The following WFDC2 variants were observed in gnomAD, a reference collection of about 807,000 sequenced individuals.
The protein encoded by WFDC2 is WAP four-disulfide core domain protein 2.
WFDC2 carries 8 observed loss-of-function variants against 12.5 expected under a neutral mutation model. The observed-to-expected ratio is 0.64, with a 90% CI of 0.37 to 1.15. The LOEUF (loss-of-function observed/expected upper bound fraction) is 1.15, where lower values mean the gene tolerates loss of function less well. WFDC2 is among the 50% of genes most tolerant of loss of function. The probability of loss-of-function intolerance (pLI) is 0.01; values close to 1 mark genes in which losing one functional copy is unlikely to be tolerated. For missense variants in WFDC2, 166 were observed against 159.9 expected, an observed-to-expected ratio of 1.04 and a Z score of -0.21; for synonymous variants, 74 against 67.2, an observed-to-expected ratio of 1.10 and a Z score of -0.49.
rs754939378 is a variant in WFDC2 at position 45,470,342 on chromosome 20, G to A, written c.80-47G>A. On this transcript the variant is annotated intron_variant, in intron 1 of 3. Transcript: ENST00000372676. This position sits in a 1 kb window ranked among gnomAD's most constrained non-coding sequence, Gnocchi z 5.4. ...GAGCAGGAGGTGGGCATCCTCTGGGGCTGGCGCTACGCCCCACCCTCGACT... is the reference window on the plus strand; with the variant it reads ...GAGCAGGAGGTGGGCATCCTCTGGGACTGGCGCTACGCCCCACCCTCGACT... The A allele has an allele frequency of 2.6e-6, 4 of 1,537,548 alleles. 1 individual carries two copies. Among genetic ancestry groups the A allele is most frequent in the South Asian group, 2.4e-5 (2 of 82,644 alleles).
chr20:45,477,595 A>G (rs899584159), intron 2 of WFDC2, among the ~76,000 whole-genome samples: 13 of 152,212 alleles, frequency 8.5e-5, no homozygotes, highest in Admixed American at 8.5e-4. Context: ...GCTCTCCTGT[A>G]TGAGGTGTCT....
Position 45,470,290 on chromosome 20 carries a change from C to A in WFDC2, c.80-99C>A. Reference sequence around the variant, plus strand: ...GTAAGGGGACTCCTAGGGCCAGAGACTGAGAATTCCTTGGGGTTAAGGTTT... The same window carrying A: ...GTAAGGGGACTCCTAGGGCCAGAGAATGAGAATTCCTTGGGGTTAAGGTTT... On this transcript the variant is annotated intron_variant, in intron 1 of 3. Transcript: ENST00000372676. This position sits in a 1 kb window ranked among gnomAD's most constrained non-coding sequence, Gnocchi z 5.4. The A allele has an allele frequency of 6.9e-7, 1 of 1,457,096 alleles. No homozygotes were observed. Among genetic ancestry groups the A allele is most frequent in the Non-Finnish European group, 9.1e-7 (1 of 1,097,972 alleles). The allele number at this position is 1,457,096 out of a possible 1,614,324, so 90.3% of individuals were successfully genotyped here. A position where few individuals can be genotyped will look rare whatever the true frequency, so the allele number is the denominator to read the frequency against.
At chr20:45,472,770 C>G (rs974577428) in intron 2 of WFDC2, among the ~76,000 whole-genome samples, 1 of 152,230 alleles carries the variant, frequency 6.6e-6, no homozygotes, top group African/African-American at 2.4e-5. Flanking sequence ...TGGCCACACT[C>G]TCTTCCACAA....
intron 2 of WFDC2, among the ~76,000 whole-genome samples, chr20:45,471,596 C>T (rs1288655368): frequency 6.6e-6 from 1 of 152,224 alleles, no homozygotes; most frequent in African/African-American, 2.4e-5. Flanking sequence ...GCTTCAAGGT[C>T]ATGAGTCCCC....
chr20:45,480,646 C>T (rs1991291255), intron 3 of WFDC2, among the ~76,000 whole-genome samples: 2 of 151,974 alleles, frequency 1.3e-5, no homozygotes, highest in Non-Finnish European at 2.9e-5. Context: ...CAAAAAACAG[C>T]TTGGTGGTAC....
rs767862116 is a variant in WFDC2, at chr20:45,469,798, T to C, written c.17T>C (p.Leu6Pro). 1.2e-6 allele frequency: 2 copies of C among 1,609,370 alleles called. No individual in the cohort carries two copies. The highest frequency in any genetic ancestry group is 2.7e-5 in the African/African-American group (2 of 74,802). The stretch of plus-strand genomic sequence containing the variant: ...CATAGCACCATGCCTGCTTGTCGCC[T>C]AGGCCCGCTAGCCGCCGCCCTCCTC... Reference protein sequence around the residue: MPACRLGPLAAALLLS... With the variant: MPACRPGPLAAALLLS... Residue 6 changes from leucine to proline, a missense_variant, in exon 1 of 4, where the codon CTA (leucine) becomes CCA (proline). Transcript: ENST00000372676.
In WFDC2 at chr20:45,470,307, T is replaced by G; in HGVS notation, c.80-82T>G. ...GCCAGAGACTGAGAATTCCTTGGGG[T>G]TAAGGTTTGGAGCAGGAGGTGGGCA... On this transcript the variant is annotated intron_variant, in intron 1 of 3. Coordinates refer to ENST00000372676, the MANE Select transcript of WFDC2 (RefSeq NM_006103.4). The surrounding 1 kb of genome is among the most constrained non-coding windows in gnomAD (Gnocchi z 5.4). 6.7e-7 allele frequency: 1 copy of G among 1,484,980 alleles called. No homozygotes were observed. The allele number at this position is 1,484,980 out of a possible 1,614,324, so 92.0% of individuals were successfully genotyped here. A position where few individuals can be genotyped will look rare whatever the true frequency, so the allele number is the denominator to read the frequency against.
chr20:45,480,122 T>C (rs755791797), intron 3 of WFDC2, 28 bp downstream of exon 3: 8 of 1,610,678 alleles, frequency 5.0e-6, no homozygotes, highest in African/African-American at 2.7e-5. Context: ...AGAAAGTGCA[T>C]TGATGGCCAG....
In WFDC2 at chr20:45,470,323, G is replaced by A. The variant is rs2145500380; in HGVS notation, c.80-66G>A. 1 of 1,516,254 alleles carries A rather than the reference G, an allele frequency of 6.6e-7. No individual in the cohort carries two copies. Among genetic ancestry groups the A allele is most frequent in the Non-Finnish European group, 8.9e-7 (1 of 1,127,860 alleles). 93.9% of individuals were successfully genotyped at this position (1,516,254 alleles called of 1,614,324 possible). A position where few individuals can be genotyped will look rare whatever the true frequency, so the allele number is the denominator to read the frequency against. On this transcript the variant is annotated intron_variant, in intron 1 of 3. Transcript: ENST00000372676. This position sits in a 1 kb window ranked among gnomAD's most constrained non-coding sequence, Gnocchi z 5.4. The stretch of plus-strand genomic sequence containing the variant: ...TCCTTGGGGTTAAGGTTTGGAGCAG[G>A]AGGTGGGCATCCTCTGGGGCTGGCG...
chr20:45,479,960 C>T lies in WFDC2; in HGVS notation c.242C>T (p.Pro81Leu). 2 of 1,614,244 alleles carry T rather than the reference C, an allele frequency of 1.2e-6. No individual in the cohort carries two copies. The highest frequency in any genetic ancestry group is 1.3e-5 in the African/African-American group (1 of 75,060). ...TACCCAGATAAGGAGGGTTCCTGCCCCCAGGTGAACATTAACTTTCCCCAG... is the reference window on the plus strand; with the variant it reads ...TACCCAGATAAGGAGGGTTCCTGCCTCCAGGTGAACATTAACTTTCCCCAG... ...SLPNDKEGSCPQVNINFPQLG... is the reference protein window; with the variant it reads ...SLPNDKEGSCLQVNINFPQLG... Residue 81 changes from proline to leucine, a missense_variant, in exon 3 of 4, where the codon CCC (proline) becomes CTC (leucine). Pro to Leu is a moderately conservative substitution (Grantham distance 98). Transcript: ENST00000372676.
At position 45,472,282 on chromosome 20, in the gene WFDC2, C is replaced by T. The variant is rs140281793; in HGVS notation, c.223+1750C>T. Among the ~76,000 whole-genome samples the T allele has an allele frequency of 6.6e-5, 10 of 152,296 alleles. No homozygotes were observed. The East Asian group carries it at 1.2e-3, about 18-fold the overall frequency. On this transcript the variant is annotated intron_variant, in intron 2 of 3. Coordinates refer to ENST00000372676, the MANE Select transcript of WFDC2 (RefSeq NM_006103.4). ...ATGCCTCCCCTAATTCCCAACCCCC[C>T]GACAGGCCCTGGTGTGTGATGTTCC...
chr20:45,474,013 TTTTGTACA>T (rs1991203643), intron 2 of WFDC2, among the ~76,000 whole-genome samples: 1 of 152,170 alleles, frequency 6.6e-6, no homozygotes, highest in Non-Finnish European at 1.5e-5. Flanking sequence ...TACTTGTGAT[TTTTGTACA>T]TTGATTTGTA....
In WFDC2 at chr20:45,470,337, C is replaced by G; in HGVS notation, c.80-52C>G. On this transcript the variant is annotated intron_variant, in intron 1 of 3. Coordinates refer to ENST00000372676, the MANE Select transcript of WFDC2 (RefSeq NM_006103.4). The surrounding 1 kb of genome is among the most constrained non-coding windows in gnomAD (Gnocchi z 5.4). ...GTTTGGAGCAGGAGGTGGGCATCCT[C>G]TGGGGCTGGCGCTACGCCCCACCCT... 4 of 1,533,300 alleles carry G rather than the reference C, an allele frequency of 2.6e-6. No homozygotes were observed. Among genetic ancestry groups the G allele is most frequent in the Non-Finnish European group, 3.5e-6 (4 of 1,136,096 alleles). 95.0% of individuals were successfully genotyped at this position (1,533,300 alleles called of 1,614,324 possible).
chr20:45,473,862 G>A (rs983404435), intron 2 of WFDC2, among the ~76,000 whole-genome samples: 4 of 152,156 alleles, frequency 2.6e-5, no homozygotes, highest in Admixed American at 6.5e-5. Flanking sequence ...ATTTCGTTGA[G>A]CAGTGGTTTG....
chr20:45,474,256 C>T (rs8126177), intron 2 of WFDC2, among the ~76,000 whole-genome samples: 19,689 of 152,066 alleles, frequency 0.13, 1,695 homozygotes, highest in African/African-American at 0.24. Context: ...TGTCTTGTGC[C>T]GGTTTTCAAA....
intron 2 of WFDC2, among the ~76,000 whole-genome samples, chr20:45,476,591 G>C (rs1300430968): frequency 6.6e-6 from 1 of 152,062 alleles, no homozygotes; most frequent in Non-Finnish European, 1.5e-5. Context: ...TTTCTCTCTG[G>C]GTGCCCTTAA....
intron 2 of WFDC2, among the ~76,000 whole-genome samples, chr20:45,474,932 T>G (rs1321466784): frequency 6.6e-6 from 1 of 152,250 alleles, no homozygotes; most frequent in Non-Finnish European, 1.5e-5. Context: ...CAGGAATTTA[T>G]CCATTTCTTC....
rs1163390924 is a variant in WFDC2 at position 45,479,991 on chromosome 20, C to T, written c.273C>T (p.Gly91=). ...PQVNINFPQL[G]LCRDQCQVDS... is the part of the protein sequence containing the mutation. ...TGAACATTAACTTTCCCCAGCTCGG[C>T]CTCTGTCGGGACCAGTGCCAGGTGG... The change falls in exon 3 of 4, where the codon GGC becomes GGT. Residue 91 remains glycine, a synonymous_variant. Transcript: ENST00000372676. 9.9e-6 allele frequency: 16 copies of T among 1,614,136 alleles called. No homozygotes were observed. Among genetic ancestry groups the T allele is most frequent in the Non-Finnish European group, 1.4e-5 (16 of 1,180,046 alleles).
chr20:45,477,828 G>A (rs1280482257), intron 2 of WFDC2, among the ~76,000 whole-genome samples: 1 of 152,240 alleles, frequency 6.6e-6, no homozygotes, highest in Non-Finnish European at 1.5e-5. Context: ...CCTGACTAGG[G>A]CTGCTGCCTT....
Sources: allele counts gnomAD v4.1 joint callset (sites outside exome capture counted in the v4.1 genomes callset), GRCh38; gene constraint gnomAD v4.1.1; non-coding constraint Gnocchi (gnomAD v3.1); transcripts MANE v1.5; gene names NCBI Gene and HGNC (gene_info 2026-07-23, HGNC 2026-07-21).